The following ITGBL1 variants were observed in gnomAD, a reference collection of about 807,000 sequenced individuals.
ITGBL1 encodes integrin subunit beta like 1.
Under a neutral mutation model 68.5 loss-of-function variants are expected in ITGBL1, and 51 were observed. That is an observed-to-expected ratio of 0.74 (90% CI 0.59 to 0.94). ITGBL1 has a LOEUF of 0.94. Ranked by LOEUF, ITGBL1 falls within the 40% of genes least tolerant of loss-of-function variation. ITGBL1 has a pLI of 0.00. For synonymous variants in ITGBL1, 209 were observed against 227.3 expected (o/e 0.92, Z 0.72); for missense variants, 649 against 647.4 (o/e 1.00, Z -0.03).
intron 2 of ITGBL1, among the ~76,000 whole-genome samples, chr13:101,530,109 A>T (rs1365498789): frequency 1.3e-5 from 2 of 152,218 alleles, no homozygotes; most frequent in Admixed American, 1.3e-4. Flanking sequence ...GGTGGTACAC[A>T]TTAAACACTG....
At chr13:101,518,312 C>T (rs1355965905) in intron 2 of ITGBL1, among the ~76,000 whole-genome samples, 1 of 152,016 alleles carries the variant, frequency 6.6e-6, no homozygotes, top group Non-Finnish European at 1.5e-5. Context: ...AGTATATTAC[C>T]ATCAATCGTT....
intron 2 of ITGBL1, among the ~76,000 whole-genome samples, chr13:101,549,796 G>A (rs1436930028): frequency 3.3e-5 from 5 of 151,942 alleles, no homozygotes; most frequent in Non-Finnish European, 5.9e-5. Flanking sequence ...GTGTTGGTAA[G>A]TGTATTCTTA....
At chr13:101,616,602 T>G (rs151195455) in intron 7 of ITGBL1, among the ~76,000 whole-genome samples, 39 of 152,314 alleles carry the variant, frequency 2.6e-4, no homozygotes, top group African/African-American at 8.9e-4. Context: ...GCGATTCTCC[T>G]GCCTCAGTCT....
At chr13:101,670,692 T>C (rs1402892836) in intron 7 of ITGBL1, among the ~76,000 whole-genome samples, 1 of 152,198 alleles carries the variant, frequency 6.6e-6, no homozygotes, top group African/African-American at 2.4e-5. Context: ...TGACTTCAAA[T>C]TAACTTTGGG....
At chr13:101,502,189 A>T (rs544260400) in intron 2 of ITGBL1, among the ~76,000 whole-genome samples, 100 of 152,292 alleles carry the variant, frequency 6.6e-4, no homozygotes, top group African/African-American at 2.3e-3. Context: ...GCACATTATT[A>T]TTTTTTATTT....
At chr13:101,481,747 G>T (rs1200038836) in intron 2 of ITGBL1, among the ~76,000 whole-genome samples, 5 of 151,966 alleles carry the variant, frequency 3.3e-5, no homozygotes, top group Non-Finnish European at 7.4e-5. Context: ...TAACATGCAA[G>T]ATTTTCTTTT....
Position 101,464,320 on chromosome 13 carries a change from C to T in ITGBL1, c.316+10220C>T, listed in dbSNP as rs904715013. Among the ~76,000 whole-genome samples, 4 of 152,056 alleles carry T rather than the reference C, an allele frequency of 2.6e-5. No homozygotes were observed. The East Asian group carries it at 7.7e-4, about 29-fold the overall frequency. ...TCACTTTCAAATAATGTTCATTTTTCACAAGGAGTTTAGTTATTATTTCTG... is the reference window on the plus strand; with the variant it reads ...TCACTTTCAAATAATGTTCATTTTTTACAAGGAGTTTAGTTATTATTTCTG... On this transcript the variant is annotated intron_variant, in intron 2 of 10. Coordinates refer to ENST00000376180, the MANE Select transcript of ITGBL1 (RefSeq NM_004791.3).
At chr13:101,598,328 G>C (rs777537129) in intron 7 of ITGBL1, 29 bp downstream of exon 7, 10 of 1,533,952 alleles carry the variant, frequency 6.5e-6, no homozygotes, top group Non-Finnish European at 6.1e-6. Flanking sequence ...GGCTTCCCAC[G>C]GCCTCTCCAT....
rs776312704 is a variant in ITGBL1 at position 101,664,931 on chromosome 13, G to A, written c.1016-27654G>A. 6.6e-5 allele frequency among the ~76,000 whole-genome samples: 10 copies of A among 152,170 alleles called. 1 individual carries two copies. In the South Asian group the frequency reaches 1.2e-3, roughly 19 times the overall value. On this transcript the variant is annotated intron_variant, in intron 7 of 10. Coordinates refer to ENST00000376180, the MANE Select transcript of ITGBL1 (RefSeq NM_004791.3). The stretch of plus-strand genomic sequence containing the variant: ...GTATTTTTAGTAGAGATGATGTTTC[G>A]CCATATTGGTCAGGCTGATTTTGAA...
At chr13:101,507,316 A>G (rs1293224867) in intron 2 of ITGBL1, among the ~76,000 whole-genome samples, 2 of 152,190 alleles carry the variant, frequency 1.3e-5, no homozygotes, top group South Asian at 2.1e-4. Flanking sequence ...TAGAGTGGAT[A>G]TCCAGAAAAT....
intron 5 of ITGBL1, among the ~76,000 whole-genome samples, chr13:101,582,540 G>A (rs1234495132): frequency 6.6e-6 from 1 of 152,168 alleles, no homozygotes. Context: ...AAATGACCAA[G>A]TTTATGTCTC....
intron 7 of ITGBL1, among the ~76,000 whole-genome samples, chr13:101,620,162 T>A (rs1370557818): frequency 1.3e-5 from 2 of 152,302 alleles, no homozygotes; most frequent in African/African-American, 4.8e-5. Context: ...TACATTGTAA[T>A]TCTACATTGC....
At chr13:101,498,484 G>A (rs913712379) in intron 2 of ITGBL1, among the ~76,000 whole-genome samples, 1 of 152,160 alleles carries the variant, frequency 6.6e-6, no homozygotes, top group Non-Finnish European at 1.5e-5. Flanking sequence ...AAGACAGATG[G>A]TAAGGGGTGA....
chr13:101,574,140 TC>T (rs2050316649), intron 3 of ITGBL1, among the ~76,000 whole-genome samples: 1 of 152,194 alleles, frequency 6.6e-6, no homozygotes, highest in African/African-American at 2.4e-5. Flanking sequence ...CTCCCTTGCT[TC>T]TATGTCTTCC....
At chr13:101,688,853 G>A (rs776687239) in intron 7 of ITGBL1, among the ~76,000 whole-genome samples, 2 of 152,204 alleles carry the variant, frequency 1.3e-5, no homozygotes, top group Admixed American at 6.5e-5. Context: ...TATTTCTATA[G>A]TATTTATATA....
intron 7 of ITGBL1, among the ~76,000 whole-genome samples, chr13:101,609,437 C>T (rs2031022853): frequency 6.6e-6 from 1 of 152,048 alleles, no homozygotes. Context: ...TATTAAATCT[C>T]TCAGTCATAT....
intron 2 of ITGBL1, among the ~76,000 whole-genome samples, chr13:101,566,175 A>G (rs948001574): frequency 6.6e-6 from 1 of 152,170 alleles, no homozygotes; most frequent in African/African-American, 2.4e-5. Context: ...AACAGCTGAT[A>G]TTCAACTTAT....
intron 2 of ITGBL1, among the ~76,000 whole-genome samples, chr13:101,518,091 C>T (rs1190934290): frequency 6.6e-6 from 1 of 152,176 alleles, no homozygotes; most frequent in Non-Finnish European, 1.5e-5. Flanking sequence ...TTTGTTGTTT[C>T]TCAGAGATTT....
intron 8 of ITGBL1, among the ~76,000 whole-genome samples, chr13:101,703,778 A>C (rs1566798250): frequency 6.6e-6 from 1 of 152,224 alleles, no homozygotes; most frequent in Non-Finnish European, 1.5e-5. Context: ...TTGGAAAGAA[A>C]ATCATATATG....
Sources: gnomAD v4.1 joint callset for allele counts (sites outside exome capture counted in the v4.1 genomes callset) on GRCh38, gnomAD v4.1.1 for gene constraint, MANE v1.5 for transcripts, NCBI Gene and HGNC (gene_info 2026-07-23, HGNC 2026-07-21) for gene names.